EXPH5: variants seen among roughly 807,000 people sequenced by gnomAD.
EXPH5 encodes the protein exophilin 5.
In EXPH5, 42 loss-of-function variants were observed where a neutral mutation model predicts 41.1. The ratio of observed to expected loss-of-function variants is 1.02; its 90% CI spans 0.80 to 1.32. The LOEUF is 1.32. EXPH5 is among the 40% of genes most tolerant of loss of function. The probability of loss-of-function intolerance (pLI) is 0.00; values close to 1 mark genes in which losing one functional copy is unlikely to be tolerated. For synonymous variants in EXPH5, 798 were observed against 833.5 expected (o/e 0.96, Z 0.73); for missense variants, 2,298 against 2,314.5 (o/e 0.99, Z 0.15).
intron 4 of EXPH5, among the ~76,000 whole-genome samples, chr11:108,525,249 C>A (rs1171613891): frequency 6.6e-6 from 1 of 152,174 alleles, no homozygotes; most frequent in South Asian, 2.1e-4. Context: ...TGAAAACAAA[C>A]TAATACACAG....
At chr11:108,577,223 T>C (rs2094082795) in intron 1 of EXPH5, among the ~76,000 whole-genome samples, 1 of 152,200 alleles carries the variant, frequency 6.6e-6, no homozygotes. Context: ...GAGATCTTTT[T>C]GATACACTGA....
intron 1 of EXPH5, among the ~76,000 whole-genome samples, chr11:108,581,259 G>A (rs996665873): frequency 1.1e-4 from 17 of 151,904 alleles, no homozygotes; most frequent in African/African-American, 4.1e-4. Context: ...AGCCCAGATT[G>A]CACCACTGCA....
intron 4 of EXPH5, among the ~76,000 whole-genome samples, chr11:108,523,255 T>A (rs77526504): frequency 6.6e-6 from 1 of 152,118 alleles, no homozygotes; most frequent in Admixed American, 6.5e-5. Context: ...TGAATCCTTA[T>A]AACAAATTTG....
rs2093705084 is a variant in EXPH5, at chr11:108,514,116, T to G, written c.1391A>C (p.Asn464Thr). ...CTGTTCTCCGCTTCGTCCAAAGGTA[T>G]TGCTGAAGAAAGATCTGGTAAATGT... ...SNTFTRSFFS[N>T]TFGRSGEQRR... The change falls in exon 6 of 6, where the codon AAT becomes ACT. Residue 464 changes from asparagine (N) to threonine (T), a missense_variant. Coordinates refer to ENST00000265843, the MANE Select transcript of EXPH5 (RefSeq NM_015065.3). 6.2e-7 allele frequency: 1 copy of G among 1,613,654 alleles called. No individual in the cohort carries two copies. Among genetic ancestry groups the G allele is most frequent in the African/African-American group, 1.3e-5 (1 of 74,922 alleles).
intron 1 of EXPH5, among the ~76,000 whole-genome samples, chr11:108,587,462 C>T (rs1040866228): frequency 1.6e-4 from 24 of 152,124 alleles, no homozygotes; most frequent in African/African-American, 7.2e-5. Flanking sequence ...TATTGAGTAC[C>T]GAAGTGTGTG....
intron 3 of EXPH5, among the ~76,000 whole-genome samples, chr11:108,532,354 ATATATATATATATTTTTT>A (rs1213715757): frequency 8.7e-5 from 2 of 23,006 alleles, no homozygotes; most frequent in South Asian, 2.3e-3. Context: ...ATATATATAT[ATATATATATATATTTTTT>A]TTTTTTTTTT....
At chr11:108,589,762 GGTAAA>G (rs939133310) in intron 1 of EXPH5, among the ~76,000 whole-genome samples, 7 of 152,124 alleles carry the variant, frequency 4.6e-5, no homozygotes, top group African/African-American at 1.7e-4. Flanking sequence ...AATCTTGATG[GGTAAA>G]GTAGTTTTGA....
chr11:108,515,426 A>C (rs2093718023), intron 5 of EXPH5, among the ~76,000 whole-genome samples: 1 of 101,584 alleles, frequency 9.8e-6, no homozygotes, highest in Admixed American at 8.8e-5. Context: ...TACCACTAAA[A>C]GCTTAGCACC....
At chr11:108,523,703 C>A (rs1458010213) in intron 4 of EXPH5, among the ~76,000 whole-genome samples, 1 of 152,138 alleles carries the variant, frequency 6.6e-6, no homozygotes, top group African/African-American at 2.4e-5. Context: ...GAAGCCCTGT[C>A]TCTACCAAAA....
chr11:108,562,970 G>C (rs1466658324), intron 1 of EXPH5, among the ~76,000 whole-genome samples: 2 of 152,194 alleles, frequency 1.3e-5, no homozygotes, highest in African/African-American at 2.4e-5. Context: ...AGAGATTCAA[G>C]ACATCTAAGG....
Position 108,514,257 on chromosome 11 carries a change from G to A in EXPH5, c.1250C>T (p.Ser417Leu), listed in dbSNP as rs115714924. The change falls in exon 6 of 6, where the codon TCG becomes TTG. Residue 417 changes from serine to leucine, a missense_variant. Ser to Leu is a moderately radical substitution (Grantham distance 145, BLOSUM62 -2). Transcript: ENST00000265843. ...TTGGTAAACATTCTGTGAATGGTACGATTCATATCTCTTATTCTCCTGAAA... is the reference window on the plus strand; with the variant it reads ...TTGGTAAACATTCTGTGAATGGTACAATTCATATCTCTTATTCTCCTGAAA... ...RGFQENKRYE[S>L]YHSQNVYQRV... The A allele has an allele frequency of 8.1e-5, 130 of 1,614,126 alleles. No homozygotes were observed. The African/African-American group carries it at 1.6e-3, about 20-fold the overall frequency.
At chr11:108,547,258 A>G (rs2093942954) in intron 1 of EXPH5, among the ~76,000 whole-genome samples, 1 of 151,746 alleles carries the variant, frequency 6.6e-6, no homozygotes, top group Non-Finnish European at 1.5e-5. Context: ...CAGTGGTGCT[A>G]TCATAGCTCA....
intron 1 of EXPH5, among the ~76,000 whole-genome samples, chr11:108,574,881 G>A (rs933752747): frequency 3.3e-5 from 5 of 152,062 alleles, no homozygotes; most frequent in African/African-American, 9.7e-5. Context: ...TTTCTGCCTC[G>A]AATATGAATG....
At chr11:108,583,732 A>G (rs1259020733) in intron 1 of EXPH5, among the ~76,000 whole-genome samples, 1 of 152,346 alleles carries the variant, frequency 6.6e-6, no homozygotes. Context: ...CGTAGTTCAT[A>G]GTGAAAGACA....
At chr11:108,594,167 A>G (rs1172586267), upstream of EXPH5, among the ~76,000 whole-genome samples, 2 of 152,206 alleles carry the variant, frequency 1.3e-5, no homozygotes, top group Non-Finnish European at 2.9e-5. Flanking sequence ...ACTAAACTCA[A>G]TTACACTACT....
At chr11:108,533,683 C>A (rs148310512) in intron 3 of EXPH5, among the ~76,000 whole-genome samples, 1 of 152,172 alleles carries the variant, frequency 6.6e-6, no homozygotes, top group Non-Finnish European at 1.5e-5. Context: ...ACACTGTTGA[C>A]GTTTCTTTGT....
chr11:108,529,936 G>A (rs952240263), intron 3 of EXPH5, among the ~76,000 whole-genome samples: 3 of 152,072 alleles, frequency 2.0e-5, no homozygotes, highest in African/African-American at 7.2e-5. Flanking sequence ...CAGTAATGGG[G>A]ATCAAGAGCT....
At chr11:108,555,181 T>A (rs1591732943) in intron 1 of EXPH5, among the ~76,000 whole-genome samples, 1 of 152,252 alleles carries the variant, frequency 6.6e-6, no homozygotes, top group African/African-American at 2.4e-5. Context: ...GCTCTCACAC[T>A]GCACTGAATG....
upstream of EXPH5, among the ~76,000 whole-genome samples, chr11:108,595,954 C>A (rs2094138336): frequency 6.6e-6 from 1 of 152,132 alleles, no homozygotes; most frequent in African/African-American, 2.4e-5. Context: ...GTAGCCCCAG[C>A]ACTTTGGGAG....
Sources: allele counts gnomAD v4.1 joint callset (sites outside exome capture counted in the v4.1 genomes callset), GRCh38; gene constraint gnomAD v4.1.1; transcripts MANE v1.5; gene names NCBI Gene and HGNC (gene_info 2026-07-23, HGNC 2026-07-21).